GALNT13: variants seen among roughly 807,000 people sequenced by gnomAD.
GALNT13 encodes polypeptide N-acetylgalactosaminyltransferase 13.
A neutral mutation model predicts 64.2 loss-of-function variants in GALNT13; 28 were observed. That is an observed-to-expected ratio of 0.44 (90% confidence interval 0.32 to 0.60). The LOEUF is 0.60. Ranked by LOEUF, GALNT13 falls within the 20% of genes least tolerant of loss-of-function variation. The pLI, the probability that GALNT13 is intolerant of heterozygous loss-of-function variation, is 0.05. For missense variants in GALNT13, 577 were observed against 669.8 expected (o/e 0.86, Z 1.53); for synonymous variants, 214 against 224.6 (o/e 0.95, Z 0.42).
At chr2:153,398,634 G>A in the GALNT13 span, among the ~76,000 whole-genome samples, 7 of 152,294 alleles carry the variant, frequency 4.6e-5, no homozygotes, top group South Asian at 4.1e-4. Flanking sequence ...GTGAGATGGT[G>A]TCTCATTGTA....
intron 4 of GALNT13, among the ~76,000 whole-genome samples, chr2:154,155,948 A>G (rs1684391924): frequency 6.6e-6 from 1 of 151,966 alleles, no homozygotes; most frequent in Non-Finnish European, 1.5e-5. Flanking sequence ...TTCTACATAT[A>G]TTTATGTATT....
the GALNT13 span, among the ~76,000 whole-genome samples, chr2:153,685,823 T>C: frequency 5.3e-5 from 8 of 151,960 alleles, no homozygotes; most frequent in Non-Finnish European, 7.4e-5. Flanking sequence ...TTTCAATTCA[T>C]CTTTATAAGG....
chr2:153,450,577 ATTTTTT>A, the GALNT13 span, among the ~76,000 whole-genome samples: 5 of 147,024 alleles, frequency 3.4e-5, no homozygotes, highest in Admixed American at 6.8e-5. Flanking sequence ...CTAGGTTTGA[ATTTTTT>A]TTTTTTTTGG....
the GALNT13 span, among the ~76,000 whole-genome samples, chr2:153,591,427 C>G: frequency 3.0e-4 from 45 of 152,014 alleles, no homozygotes; most frequent in Non-Finnish European, 6.0e-4. Flanking sequence ...ACCATAATTT[C>G]CCTCAGAATT....
At chr2:153,713,880 A>G in the GALNT13 span, among the ~76,000 whole-genome samples, 1 of 152,270 alleles carries the variant, frequency 6.6e-6, no homozygotes, top group African/African-American at 2.4e-5. Context: ...CTTAGATCTC[A>G]AACTCCCCAT....
At chr2:154,199,376 G>T (rs1687050910) in intron 4 of GALNT13, among the ~76,000 whole-genome samples, 1 of 151,974 alleles carries the variant, frequency 6.6e-6, no homozygotes, top group Non-Finnish European at 1.5e-5. Flanking sequence ...AGTATTCCTT[G>T]AAATATAATT....
chr2:153,717,722 A>C, the GALNT13 span, among the ~76,000 whole-genome samples: 2 of 152,192 alleles, frequency 1.3e-5, no homozygotes, highest in Admixed American at 1.3e-4. Flanking sequence ...TAACATGCTG[A>C]GTTTTTAAGG....
At chr2:153,965,646 G>C (rs1693279583) in intron 3 of GALNT13, among the ~76,000 whole-genome samples, 1 of 151,318 alleles carries the variant, frequency 6.6e-6, no homozygotes, top group Non-Finnish European at 1.5e-5. Context: ...ATTTTATTTG[G>C]TAGAAAGTTT....
intron 6 of GALNT13, among the ~76,000 whole-genome samples, chr2:154,244,088 G>A (rs1689642738): frequency 6.6e-6 from 1 of 151,726 alleles, no homozygotes; most frequent in African/African-American, 2.4e-5. Context: ...GCAAATTTTG[G>A]TACATTATGT....
the GALNT13 span, among the ~76,000 whole-genome samples, chr2:153,266,273 T>G: frequency 6.6e-6 from 1 of 152,238 alleles, no homozygotes; most frequent in Non-Finnish European, 1.5e-5. Flanking sequence ...TCTGAAATTC[T>G]CAACTGGAAT....
intron 9 of GALNT13, among the ~76,000 whole-genome samples, chr2:154,370,916 A>G (rs1697650583): frequency 6.6e-6 from 1 of 152,138 alleles, no homozygotes; most frequent in African/African-American, 2.4e-5. Context: ...AACATTTAGA[A>G]GGCCAACATA....
chr2:153,533,669 G>A, the GALNT13 span, among the ~76,000 whole-genome samples: 12 of 124,532 alleles, frequency 9.6e-5, no homozygotes, highest in African/African-American at 2.1e-4. Flanking sequence ...TCCCCTTCAC[G>A]TATGTTGCAT....
chr2:154,420,075 G>A (rs1453834433), intron 11 of GALNT13, among the ~76,000 whole-genome samples: 1 of 152,062 alleles, frequency 6.6e-6, no homozygotes, highest in Non-Finnish European at 1.5e-5. Flanking sequence ...AAATATCACA[G>A]TAAGTGTATA....
chr2:154,416,883 G>A (rs913792573), intron 11 of GALNT13, among the ~76,000 whole-genome samples: 8 of 152,074 alleles, frequency 5.3e-5, no homozygotes, highest in Non-Finnish European at 8.8e-5. Context: ...TTAAGGAGGC[G>A]TCAAAGTTGT....
chr2:153,894,836 G>T (rs551465668), intron 1 of GALNT13, among the ~76,000 whole-genome samples: 1 of 151,948 alleles, frequency 6.6e-6, no homozygotes, highest in African/African-American at 2.4e-5. Context: ...TCTTTACTTC[G>T]GTAAGGTTTA....
rs1687548193 is a variant in GALNT13, at chr2:153,891,448, A to ACC, written c.-176-9488_-176-9487insCC. ...TTGTCAAACTCATTTGGTATTTGAA[A>ACC]TCACAACGCCTTTATGATTTTCACC... is the stretch of plus-strand genomic sequence containing the variant. On this transcript the variant is annotated intron_variant, in intron 1 of 12. Coordinates refer to ENST00000392825, the MANE Select transcript of GALNT13 (RefSeq NM_052917.4). Among the ~76,000 whole-genome samples, 4 of 152,152 alleles carry ACC rather than the reference A, an allele frequency of 2.6e-5. No individual in the cohort carries two copies. In the South Asian group the frequency reaches 8.3e-4, roughly 32 times the overall value.
At chr2:153,349,128 T>G in the GALNT13 span, among the ~76,000 whole-genome samples, 1 of 152,226 alleles carries the variant, frequency 6.6e-6, no homozygotes, top group South Asian at 2.1e-4. Flanking sequence ...GCTTCATGGG[T>G]CAAGCATTTA....
At chr2:153,811,068 A>G in the GALNT13 span, among the ~76,000 whole-genome samples, 5 of 152,330 alleles carry the variant, frequency 3.3e-5, no homozygotes, top group South Asian at 8.3e-4. Context: ...GAATTAATTC[A>G]GTACCCAGCA....
chr2:154,108,432 T>A (rs1022299867), intron 3 of GALNT13, among the ~76,000 whole-genome samples: 3 of 152,098 alleles, frequency 2.0e-5, no homozygotes, highest in African/African-American at 7.2e-5. Flanking sequence ...TTCAACTTTC[T>A]TGCCCATTTT....
Sources: allele counts gnomAD v4.1 joint callset (sites outside exome capture counted in the v4.1 genomes callset), GRCh38; gene constraint gnomAD v4.1.1; transcripts MANE v1.5; gene names NCBI Gene and HGNC (gene_info 2026-07-23, HGNC 2026-07-21).